Variants in TIGD6 observed in about 807,000 individuals in gnomAD.
TIGD6 encodes tigger transposable element-derived protein 6.
A neutral mutation model predicts 2.6 loss-of-function variants in TIGD6; 1 was observed. The observed-to-expected ratio is 0.39, with a 90% CI of 0.14 to 1.85. The LOEUF (loss-of-function observed/expected upper bound fraction) is 1.85, where lower values mean the gene tolerates loss of function less well. TIGD6 is among the 40% of genes most tolerant of loss of function. The pLI is 0.32. For missense variants in TIGD6, 601 were observed against 634.2 expected (o/e 0.95, Z 0.56); for synonymous variants, 193 against 221.9 (o/e 0.87, Z 1.16).
At chr5:149,998,180 C>T (rs1755443129) in intron 1 of TIGD6, among the ~76,000 whole-genome samples, 1 of 152,082 alleles carries the variant, frequency 6.6e-6, no homozygotes, top group Non-Finnish European at 1.5e-5. Context: ...ATTTTGAGTG[C>T]AACAGAAATC....
rs1755349458 is a variant in TIGD6 at position 149,995,057 on chromosome 5, T to C, written c.1292A>G (p.Gln431Arg). ...CATGTCCTGGATGATGTCTGTGTCC[T>C]GAGAGATAATGAGATCATCATCTGC... ...VTADDDLIIS[Q>R]DTDIIQDMVA... The change falls in exon 2 of 2, where the codon CAG becomes CGG. Residue 431 changes from glutamine (Q) to arginine (R), a missense_variant. Transcript: ENST00000296736. 6.2e-7 allele frequency: 1 copy of C among 1,614,148 alleles called. No individual in the cohort carries two copies. The highest frequency in any genetic ancestry group is 1.1e-5 in the South Asian group (1 of 91,090).
chr5:149,996,527 C>T, intron 1 of TIGD6, 98 bp from the exon 2 acceptor site: 1 of 841,882 alleles, frequency 1.2e-6, no homozygotes, highest in Non-Finnish European at 1.7e-6. Context: ...GGACAATTTA[C>T]AGTCAAAGTA....
At chr5:149,996,685 C>G (rs1386950782) in intron 1 of TIGD6, among the ~76,000 whole-genome samples, 1 of 152,208 alleles carries the variant, frequency 6.6e-6, no homozygotes, top group Non-Finnish European at 1.5e-5. Context: ...CTCTGCCTAC[C>G]ATGAGAACAG....
Position 149,993,131 on chromosome 5 carries a change from GATC to G in TIGD6, c.*1649_*1651del, listed in dbSNP as rs761359170. The G allele has an allele frequency of 5.3e-5, 8 of 152,220 alleles. No homozygotes were observed. The highest frequency in any genetic ancestry group is 4.8e-5 in the African/African-American group (2 of 41,524). 9.4% of individuals were successfully genotyped at this position (152,220 alleles called of 1,614,324 possible). On this transcript the variant is annotated 3_prime_UTR_variant, in exon 2 of 2. Coordinates refer to ENST00000296736, the MANE Select transcript of TIGD6 (RefSeq NM_030953.4). ...TATGTACAGTACTTTTAATTCAAAT[GATC>G]ATATTAGTTTATTAAAAGAAAAAAT... is the stretch of plus-strand genomic sequence containing the variant.
At chr5:150,000,241 G>A (rs1000679417) in intron 1 of TIGD6, 8 of 154,418 alleles carry the variant, frequency 5.2e-5, no homozygotes, top group Admixed American at 3.3e-4. Context: ...GTGGGCCAGT[G>A]GGAGAGACGG....
Position 149,993,848 on chromosome 5 carries a change from G to C in TIGD6, c.*935C>G, listed in dbSNP as rs554422822. On this transcript the variant is annotated 3_prime_UTR_variant, in exon 2 of 2. Transcript: ENST00000296736. ...TTGAGGCCAGGAGTTAGAGAGAGTA[G>C]TGTGTTATAATCATGCCTGTGAATA... 1 of 152,358 alleles carries C rather than the reference G, an allele frequency of 6.6e-6. No individual in the cohort carries two copies. Among genetic ancestry groups the C allele is most frequent in the East Asian group, 1.9e-4 (1 of 5,186 alleles). 9.4% of individuals were successfully genotyped at this position (152,358 alleles called of 1,614,324 possible).
In TIGD6 at chr5:149,994,980, A is replaced by G. The variant is rs779072112; in HGVS notation, c.1369T>C (p.Ser457Pro). The change falls in exon 2 of 2, where the codon TCT becomes CCT. Residue 457 changes from serine to proline, a missense_variant. Ser to Pro is a moderately conservative substitution (Grantham distance 74, BLOSUM62 -1). Transcript: ENST00000296736. The part of the protein sequence containing the change: ...EAGSEDEGEV[S>P]LPEQPKVTIT... Reference sequence around the variant, plus strand: ...GTGACTTTTGGTTGCTCTGGTAAAGATACCTCCCCTTCATCTTCACTTCCT... The same window carrying G: ...GTGACTTTTGGTTGCTCTGGTAAAGGTACCTCCCCTTCATCTTCACTTCCT... 1 of 1,613,680 alleles carries G rather than the reference A, an allele frequency of 6.2e-7. No homozygotes were observed. Among genetic ancestry groups the G allele is most frequent in the South Asian group, 1.1e-5 (1 of 90,986 alleles).
Position 149,995,134 on chromosome 5 carries a change from C to G in TIGD6, c.1215G>C (p.Val405=). ...DIAIEKLWHT[V]AIATCVPNEV... ...CATTTGGGACACAGGTGGCAATAGC[C>G]ACTGTGTGCCACAACTTTTCAATGG... is the stretch of plus-strand genomic sequence containing the variant. Residue 405 remains valine, a synonymous_variant, in exon 2 of 2, where the codon GTG becomes GTC. Coordinates refer to ENST00000296736, the MANE Select transcript of TIGD6 (RefSeq NM_030953.4). 6.2e-7 allele frequency: 1 copy of G among 1,614,234 alleles called. No individual in the cohort carries two copies. Among genetic ancestry groups the G allele is most frequent in the Non-Finnish European group, 8.5e-7 (1 of 1,180,052 alleles).
Position 149,993,243 on chromosome 5 carries a change from T to C in TIGD6, c.*1540A>G, listed in dbSNP as rs545366025. 11 of 152,238 alleles carry C rather than the reference T, an allele frequency of 7.2e-5. No homozygotes were observed. The highest frequency in any genetic ancestry group is 1.5e-4 in the Non-Finnish European group (10 of 68,046). The allele number at this position is 152,238 out of a possible 1,614,324, so 9.4% of individuals were successfully genotyped here. ...TTGTTAATGTGGAAGCAACATTTTCTATGATTAATCTGCTGTTACCTGTTT... is the reference window on the plus strand; with the variant it reads ...TTGTTAATGTGGAAGCAACATTTTCCATGATTAATCTGCTGTTACCTGTTT... On this transcript the variant is annotated 3_prime_UTR_variant, in exon 2 of 2. Coordinates refer to ENST00000296736, the MANE Select transcript of TIGD6 (RefSeq NM_030953.4).
In TIGD6 at chr5:149,995,888, T is replaced by G. The variant is rs2113710111; in HGVS notation, c.461A>C (p.Lys154Thr). The change falls in exon 2 of 2, where the codon AAG (lysine) becomes ACG (threonine). Residue 154 changes from lysine (K) to threonine (T), a missense_variant. Transcript: ENST00000296736. The stretch of plus-strand genomic sequence containing the variant: ...TTCCCCTGCATGCCACTCATTAATC[T>G]TATCTATTCCTAGACCATTCATTAA... ...DRLMNGLGID[K>T]INEWHAGEII... 1.9e-6 allele frequency: 3 copies of G among 1,614,188 alleles called. No individual in the cohort carries two copies. In the South Asian group the frequency reaches 3.3e-5, roughly 18 times the overall value.
chr5:149,999,612 A>T (rs933766946), intron 1 of TIGD6, among the ~76,000 whole-genome samples: 12 of 152,180 alleles, frequency 7.9e-5, no homozygotes, highest in Non-Finnish European at 1.6e-4. Flanking sequence ...CCAGCAGATG[A>T]TGGTGCCATT....
intron 1 of TIGD6, among the ~76,000 whole-genome samples, chr5:149,998,943 T>C (rs531245403): frequency 1.3e-5 from 2 of 152,254 alleles, no homozygotes; most frequent in East Asian, 3.9e-4. Flanking sequence ...GAATGGAGCA[T>C]GGATGGGCAG....
In TIGD6 at chr5:149,995,514, TCCGG is replaced by T; in HGVS notation, c.831_834del (p.Arg278SerfsTer5). On this transcript the variant is annotated frameshift_variant, in exon 2 of 2. Transcript: ENST00000296736. LOFTEE classifies it low-confidence loss of function (END_TRUNC). ...GAGCAGTTGTCTATGAGCAAGAGGATCCGGCGTTCCGCCCTCTTCATCCTGGCAT... is the reference window on the plus strand; with the variant it reads ...GAGCAGTTGTCTATGAGCAAGAGGATCGTTCCGCCCTCTTCATCCTGGCAT... The T allele has an allele frequency of 6.2e-7, 1 of 1,614,228 alleles. No individual in the cohort carries two copies. The highest frequency in any genetic ancestry group is 8.5e-7 in the Non-Finnish European group (1 of 1,180,034).
At position 149,993,979 on chromosome 5, in the gene TIGD6, C is replaced by G. The variant is rs1755318567; in HGVS notation, c.*804G>C. 1 of 152,176 alleles carries G rather than the reference C, an allele frequency of 6.6e-6. No homozygotes were observed. Among genetic ancestry groups the G allele is most frequent in the African/African-American group, 2.4e-5 (1 of 41,420 alleles). 9.4% of individuals were successfully genotyped at this position (152,176 alleles called of 1,614,324 possible). A position where few individuals can be genotyped will look rare whatever the true frequency, so the allele number is the denominator to read the frequency against. On this transcript the variant is annotated 3_prime_UTR_variant, in exon 2 of 2. Coordinates refer to ENST00000296736, the MANE Select transcript of TIGD6 (RefSeq NM_030953.4). Reference sequence around the variant, plus strand: ...AAGTCTTGTAGTGCTTCCAGCAAATCAGCAGAAAGGAAAAAAGAGCTCTAG... The same window carrying G: ...AAGTCTTGTAGTGCTTCCAGCAAATGAGCAGAAAGGAAAAAAGAGCTCTAG...
rs73798340 is a variant in TIGD6 at position 149,994,459 on chromosome 5, C to A, written c.*324G>T. ...AAAACTACCAATGCCTGTGACCCGT[C>A]ACCAAAGATTGTGATTTAATAGGCC... On this transcript the variant is annotated 3_prime_UTR_variant, in exon 2 of 2. Transcript: ENST00000296736. The A allele has an allele frequency of 3.9e-3, 663 of 171,398 alleles. 6 individuals are homozygous for A. Among genetic ancestry groups the A allele is most frequent in the African/African-American group, 0.014 (581 of 40,692 alleles). The allele number at this position is 171,398 out of a possible 1,614,324, so 10.6% of individuals were successfully genotyped here.
At position 149,996,209 on chromosome 5, in the gene TIGD6, A is replaced by C; in HGVS notation, c.140T>G (p.Phe47Cys). The change falls in exon 2 of 2, where the codon TTC becomes TGC. Residue 47 changes from phenylalanine to cysteine, a missense_variant. By Grantham distance (205) the Phe-to-Cys change is radical. Coordinates refer to ENST00000296736, the MANE Select transcript of TIGD6 (RefSeq NM_030953.4). ...FGITPSTLST[F>C]LKDRTKFEEK... is the part of the protein sequence containing the mutation. ...TTCAAATTTGGTGCGATCCTTTAAG[A>C]ATGTAGATAAAGTAGAGGGAGTGAT... 1 of 1,614,062 alleles carries C rather than the reference A, an allele frequency of 6.2e-7. No individual in the cohort carries two copies. The highest frequency in any genetic ancestry group is 2.2e-5 in the East Asian group (1 of 44,904).
chr5:149,998,193 C>T (rs1307522062), intron 1 of TIGD6, among the ~76,000 whole-genome samples: 2 of 152,144 alleles, frequency 1.3e-5, no homozygotes, highest in Non-Finnish European at 2.9e-5. Flanking sequence ...CAGAAATCCA[C>T]GGATGTTTTC....
rs570246230 is a variant in TIGD6 at position 149,994,158 on chromosome 5, A to G, written c.*625T>C. On this transcript the variant is annotated 3_prime_UTR_variant, in exon 2 of 2. Coordinates refer to ENST00000296736, the MANE Select transcript of TIGD6 (RefSeq NM_030953.4). The stretch of plus-strand genomic sequence containing the variant: ...ATCTAAAGCTAGACCAGTGGTTTTC[A>G]AAGCATGGAGCCTGGACTGCATCAG... 5 of 152,364 alleles carry G rather than the reference A, an allele frequency of 3.3e-5. No homozygotes were observed. The highest frequency in any genetic ancestry group is 1.2e-4 in the African/African-American group (5 of 41,568). The allele number at this position is 152,364 out of a possible 1,614,324, so 9.4% of individuals were successfully genotyped here.
At chr5:149,997,955 C>T (rs749382867) in intron 1 of TIGD6, among the ~76,000 whole-genome samples, 14 of 147,286 alleles carry the variant, frequency 9.5e-5, no homozygotes, top group African/African-American at 3.0e-4. Context: ...AGCAAGACTC[C>T]GTCTCAAAAA....
Sources: gnomAD v4.1 joint callset for allele counts (sites outside exome capture counted in the v4.1 genomes callset) on GRCh38, gnomAD v4.1.1 for gene constraint, MANE v1.5 for transcripts, NCBI Gene and HGNC (gene_info 2026-07-23, HGNC 2026-07-21) for gene names.